REDIC1: variants seen among roughly 807,000 people sequenced by gnomAD.
REDIC1 encodes regulator of DNA class I crossover intermediates 1, also known as HEI10 Interacting Protein 1.
At chr12:39,894,617 G>T in the REDIC1 span, among the ~76,000 whole-genome samples, 1 of 152,136 alleles carries the variant, frequency 6.6e-6, no homozygotes, top group Non-Finnish European at 1.5e-5. Context: ...GATTACAAGG[G>T]AAAATAAAAT....
the REDIC1 span, chr12:39,646,719 T>C: frequency 1.6e-6 from 1 of 640,450 alleles, no homozygotes; most frequent in South Asian, 2.7e-5. Flanking sequence ...ATTATGACCC[T>C]GTAGTGATTT....
chr12:39,638,110 CA>C, the REDIC1 span, among the ~76,000 whole-genome samples: 13 of 152,052 alleles, frequency 8.5e-5, no homozygotes, highest in Admixed American at 4.6e-4. Context: ...CAAACAACAA[CA>C]ACAAAAAACA....
the REDIC1 span, among the ~76,000 whole-genome samples, chr12:39,703,556 A>G: frequency 3.3e-5 from 5 of 151,850 alleles, no homozygotes; most frequent in Admixed American, 2.0e-4. Context: ...GCTACCAATG[A>G]CTTTCTTCAC....
At chr12:39,875,624 T>A in the REDIC1 span, among the ~76,000 whole-genome samples, 1 of 152,164 alleles carries the variant, frequency 6.6e-6, no homozygotes, top group Non-Finnish European at 1.5e-5. Context: ...AAGGAAGGAA[T>A]GAAAGACAAG....
the REDIC1 span, among the ~76,000 whole-genome samples, chr12:39,875,646 A>G: frequency 6.6e-6 from 1 of 152,226 alleles, no homozygotes; most frequent in Non-Finnish European, 1.5e-5. Flanking sequence ...ACATCTATTT[A>G]AAAGGTAATC....
the REDIC1 span, among the ~76,000 whole-genome samples, chr12:39,849,381 C>T: frequency 1.3e-5 from 2 of 152,110 alleles, no homozygotes; most frequent in Non-Finnish European, 2.9e-5. Context: ...GTTAATGCTT[C>T]ATCCCATTAA....
chr12:39,739,841 G>A, the REDIC1 span, among the ~76,000 whole-genome samples: 1 of 152,088 alleles, frequency 6.6e-6, no homozygotes, highest in Admixed American at 6.6e-5. Context: ...ACTTGATTTT[G>A]CCCATAAAAT....
chr12:39,657,017 G>A, the REDIC1 span, among the ~76,000 whole-genome samples: 27 of 152,268 alleles, frequency 1.8e-4, no homozygotes, highest in African/African-American at 5.8e-4. Context: ...AATAAATTTA[G>A]TGAAGCGTAA....
At chr12:39,713,023 ACG>A in the REDIC1 span, among the ~76,000 whole-genome samples, 3 of 139,736 alleles carry the variant, frequency 2.1e-5, no homozygotes, top group African/African-American at 5.7e-5. Flanking sequence ...ATGTGTATAT[ACG>A]TGTATATGTA....
At chr12:39,654,415 G>A in the REDIC1 span, among the ~76,000 whole-genome samples, 11 of 151,922 alleles carry the variant, frequency 7.2e-5, no homozygotes, top group Admixed American at 1.3e-4. Context: ...GTGAAACCCC[G>A]TCTCTACTAA....
the REDIC1 span, among the ~76,000 whole-genome samples, chr12:39,750,399 A>G: frequency 2.0e-5 from 3 of 152,232 alleles, no homozygotes; most frequent in Non-Finnish European, 2.9e-5. Context: ...CCACTGCTCA[A>G]TGAAACAAAA....
chr12:39,626,479 A>C, the REDIC1 span: 1 of 1,290,476 alleles, frequency 7.7e-7, no homozygotes, highest in East Asian at 2.4e-5. Context: ...GGGTCTTTTT[A>C]TTGTTATCCA....
At chr12:39,892,602 A>G in the REDIC1 span, among the ~76,000 whole-genome samples, 1 of 152,214 alleles carries the variant, frequency 6.6e-6, no homozygotes, top group Admixed American at 6.5e-5. Context: ...TAAACAATAA[A>G]CTTATTTCTT....
chr12:39,857,551 C>T, the REDIC1 span, among the ~76,000 whole-genome samples: 1 of 152,186 alleles, frequency 6.6e-6, no homozygotes, highest in Non-Finnish European at 1.5e-5. Context: ...GTTCTTTTAA[C>T]CTTTCTCCCT....
At chr12:39,730,583 C>T in the REDIC1 span, among the ~76,000 whole-genome samples, 1 of 152,096 alleles carries the variant, frequency 6.6e-6, no homozygotes, top group Non-Finnish European at 1.5e-5. Flanking sequence ...CTCTGGCTAC[C>T]CTTAACATTT....
chr12:39,719,575 C>CT, the REDIC1 span, among the ~76,000 whole-genome samples: 2 of 152,052 alleles, frequency 1.3e-5, no homozygotes, highest in African/African-American at 4.8e-5. Flanking sequence ...GATTGTGCCA[C>CT]TGCACTCCAA....
chr12:39,668,181 G>T, the REDIC1 span, among the ~76,000 whole-genome samples: 1 of 151,810 alleles, frequency 6.6e-6, no homozygotes, highest in Non-Finnish European at 1.5e-5. Flanking sequence ...TTACAATTAG[G>T]CATGTTTTTG....
chr12:39,755,789 A>G, the REDIC1 span: 2 of 152,100 alleles, frequency 1.3e-5, no homozygotes. Flanking sequence ...ACAACAGACT[A>G]TATATTTTGT....
At chr12:39,751,115 G>A in the REDIC1 span, among the ~76,000 whole-genome samples, 5 of 152,184 alleles carry the variant, frequency 3.3e-5, no homozygotes, top group East Asian at 1.9e-4. Context: ...TACTATCAGA[G>A]CGAACAGGCA....
Sources: allele counts gnomAD v4.1 joint callset (sites outside exome capture counted in the v4.1 genomes callset), GRCh38; gene constraint gnomAD v4.1.1; transcripts MANE v1.5; gene names NCBI Gene and HGNC (gene_info 2026-07-23, HGNC 2026-07-21).